The following TMEM120B variants were observed in gnomAD, a reference collection of about 807,000 sequenced individuals.
The protein encoded by TMEM120B is transmembrane protein 120B.
A neutral mutation model predicts 55.5 loss-of-function variants in TMEM120B; 31 were observed. The ratio of observed to expected loss-of-function variants is 0.56; its 90% CI spans 0.42 to 0.75. The LOEUF is 0.75. Ranked by LOEUF, TMEM120B falls within the 30% of genes least tolerant of loss-of-function variation. The probability of loss-of-function intolerance (pLI) is 0.00; values close to 1 mark genes in which losing one functional copy is unlikely to be tolerated. For synonymous variants in TMEM120B, 203 were observed against 176.3 expected (o/e 1.15, Z -1.20); for missense variants, 399 against 425.5 (o/e 0.94, Z 0.55).
At chr12:121,772,629 G>T (rs1874104107) in intron 8 of TMEM120B, among the ~76,000 whole-genome samples, 1 of 151,924 alleles carries the variant, frequency 6.6e-6, no homozygotes, top group Non-Finnish European at 1.5e-5. Flanking sequence ...TCACCAGTTG[G>T]CCAGGCTGGT....
intron 1 of TMEM120B, among the ~76,000 whole-genome samples, chr12:121,730,731 G>T (rs1208948854): frequency 6.6e-6 from 1 of 151,470 alleles, no homozygotes; most frequent in Non-Finnish European, 1.5e-5. Context: ...GCTGAGGCGG[G>T]TGGATCACCT....
Position 121,773,511 on chromosome 12 carries a change from T to A in TMEM120B, c.770T>A (p.Val257Glu). ...GAGAGGAACCACCTGGATCTCACAG[T>A]GGGTGAGTAGCTGGGCCTGGGTTGG... ...LGERNHLDLT[V>E]EGFQSWMWRG... Residue 257 changes from valine (V) to glutamate (E), a missense_variant and splice_region_variant, in exon 9 of 12, where the codon GTG becomes GAG. Transcript: ENST00000449592. The A allele has an allele frequency of 6.3e-7, 1 of 1,589,384 alleles. No individual in the cohort carries two copies. Among genetic ancestry groups the A allele is most frequent in the South Asian group, 1.1e-5 (1 of 88,946 alleles).
In TMEM120B at chr12:121,775,993, T is replaced by C. The variant is rs114623486; in HGVS notation, c.*271T>C. Reference sequence around the variant, plus strand: ...TTGAAGGTGGCTGAGGCCGGGCCAGTCTTCCTGGGGATGGGGCCTGAAGCC... The same window carrying C: ...TTGAAGGTGGCTGAGGCCGGGCCAGCCTTCCTGGGGATGGGGCCTGAAGCC... On this transcript the variant is annotated 3_prime_UTR_variant, in exon 12 of 12. Coordinates refer to ENST00000449592, the MANE Select transcript of TMEM120B (RefSeq NM_001080825.2). This position sits in a 1 kb window ranked among gnomAD's most constrained non-coding sequence, Gnocchi z 4.3. 3,958 of 592,882 alleles carry C rather than the reference T, an allele frequency of 6.7e-3. 149 individuals carry two copies. The highest frequency in any genetic ancestry group is 0.066 in the African/African-American group (3,526 of 53,774). 36.7% of individuals were successfully genotyped at this position (592,882 alleles called of 1,614,324 possible).
At chr12:121,740,127 T>C (rs575194814) in intron 1 of TMEM120B, among the ~76,000 whole-genome samples, 41 of 152,172 alleles carry the variant, frequency 2.7e-4, no homozygotes, top group Non-Finnish European at 4.3e-4. Flanking sequence ...GTCTCACTGA[T>C]AACAGATACA....
intron 1 of TMEM120B, among the ~76,000 whole-genome samples, chr12:121,714,557 CTTTTTTTTTT>C (rs897759057): frequency 1.0e-5 from 1 of 100,238 alleles, no homozygotes; most frequent in South Asian, 3.4e-4. Context: ...TCAGCCACTT[CTTTTTTTTTT>C]TTTTTTTTTT....
intron 6 of TMEM120B, 108 bp downstream of exon 6, chr12:121,761,846 T>C (rs1359391838): frequency 4.9e-6 from 4 of 824,568 alleles, no homozygotes; most frequent in Non-Finnish European, 8.2e-6. Context: ...CTCTCCTCCT[T>C]GGGGGTTGCT....
In TMEM120B at chr12:121,780,955, C is replaced by T. The variant is rs148962846; in HGVS notation, c.*5233C>T. On this transcript the variant is annotated 3_prime_UTR_variant, in exon 12 of 12. Coordinates refer to ENST00000449592, the MANE Select transcript of TMEM120B (RefSeq NM_001080825.2). ...TCCTTCCTCAGGTCTGTCTTGCAGC[C>T]GATGAGCACCATGGGGATCCCGCGG... 2.7e-5 allele frequency: 44 copies of T among 1,613,970 alleles called. No homozygotes were observed. The highest frequency in any genetic ancestry group is 1.2e-4 in the Admixed American group (7 of 59,994).
At chr12:121,724,277 C>T (rs764414175) in intron 1 of TMEM120B, among the ~76,000 whole-genome samples, 70 of 152,034 alleles carry the variant, frequency 4.6e-4, no homozygotes, top group Middle Eastern at 6.8e-3. Context: ...CTTCGTGATC[C>T]GCCCGCCTCA....
Position 121,779,788 on chromosome 12 carries a change from CTCCTCCA to C in TMEM120B, c.*4071_*4077del. ...GAGGCCTTGGTTTGGGCCTGTCTGTCTCCTCCATCCTGGCTGCCCCTCACAGTGTGTG... is the reference window on the plus strand; with the variant it reads ...GAGGCCTTGGTTTGGGCCTGTCTGTCTCCTGGCTGCCCCTCACAGTGTGTG... On this transcript the variant is annotated 3_prime_UTR_variant, in exon 12 of 12. Coordinates refer to ENST00000449592, the MANE Select transcript of TMEM120B (RefSeq NM_001080825.2). The C allele has an allele frequency of 3.1e-6, 3 of 962,306 alleles. No individual in the cohort carries two copies. The highest frequency in any genetic ancestry group is 2.9e-4 in the Middle Eastern group (1 of 3,432). 59.6% of individuals were successfully genotyped at this position (962,306 alleles called of 1,614,324 possible).
intron 4 of TMEM120B, among the ~76,000 whole-genome samples, chr12:121,751,808 C>T (rs900502599): frequency 6.6e-6 from 1 of 152,280 alleles, no homozygotes; most frequent in South Asian, 2.1e-4. Context: ...CATTTCCAGA[C>T]AGCCGCAAAC....
Position 121,743,578 on chromosome 12 carries a change from G to C in TMEM120B, c.70-51G>C, listed in dbSNP as rs778912626. 39 of 1,324,072 alleles carry C rather than the reference G, an allele frequency of 2.9e-5. No individual in the cohort carries two copies. In the Middle Eastern group the frequency reaches 1.0e-3, roughly 35 times the overall value. The allele number at this position is 1,324,072 out of a possible 1,614,324, so 82.0% of individuals were successfully genotyped here. A position where few individuals can be genotyped will look rare whatever the true frequency, so the allele number is the denominator to read the frequency against. On this transcript the variant is annotated intron_variant, in intron 1 of 11. Transcript: ENST00000449592. ...CTCAAAAAAAAAAAGAAAAGAAAAT[G>C]AGCTGTTCATATTCTCCCACACACC... is the stretch of plus-strand genomic sequence containing the variant.
intron 1 of TMEM120B, among the ~76,000 whole-genome samples, chr12:121,728,287 A>T (rs1592926537): frequency 6.6e-6 from 1 of 151,590 alleles, no homozygotes; most frequent in Admixed American, 6.6e-5. Context: ...CAGGAGATCG[A>T]GACCATCCTG....
intron 2 of TMEM120B, among the ~76,000 whole-genome samples, chr12:121,744,022 G>A (rs1461152046): frequency 6.6e-6 from 1 of 151,210 alleles, no homozygotes; most frequent in African/African-American, 2.4e-5. Flanking sequence ...CCTGCCGGCT[G>A]TGCCACCCTG....
intron 1 of TMEM120B, 143 bp downstream of exon 1, chr12:121,713,107 G>A (rs1894630477): frequency 1.7e-6 from 1 of 595,140 alleles, no homozygotes; most frequent in Non-Finnish European, 2.8e-6. Context: ...CGGGAGGCAT[G>A]GACCAGCCCC....
At position 121,716,551 on chromosome 12, in the gene TMEM120B, CT is replaced by C. The variant is rs1033001121; in HGVS notation, c.69+3596del. Among the ~76,000 whole-genome samples, 21 of 127,942 alleles carry C rather than the reference CT, an allele frequency of 1.6e-4. No homozygotes were observed. The East Asian group carries it at 2.3e-3, about 14-fold the overall frequency. The allele number at this position is 127,942 out of a possible 152,430, so 83.9% of individuals were successfully genotyped here. A position where few individuals can be genotyped will look rare whatever the true frequency, so the allele number is the denominator to read the frequency against. Reference sequence around the variant, plus strand: ...GTCTCTGTGTCTTACCTCTTTTTCTCTTTTTTTTTCTTTCTTTTTTTTTTTT... The same window carrying C: ...GTCTCTGTGTCTTACCTCTTTTTCTCTTTTTTTTCTTTCTTTTTTTTTTTT... On this transcript the variant is annotated intron_variant, in intron 1 of 11. Transcript: ENST00000449592.
At chr12:121,720,747 T>A (rs1178563957) in intron 1 of TMEM120B, among the ~76,000 whole-genome samples, 1 of 152,098 alleles carries the variant, frequency 6.6e-6, no homozygotes, top group Non-Finnish European at 1.5e-5. Context: ...CTTGAAAGTT[T>A]ACCACCAGCA....
At chr12:121,748,872 G>A (rs1050641634) in intron 3 of TMEM120B, among the ~76,000 whole-genome samples, 5 of 152,198 alleles carry the variant, frequency 3.3e-5, no homozygotes, top group African/African-American at 9.7e-5. Context: ...ATCAGCGAAT[G>A]TTTGGCCACA....
chr12:121,761,654 C>T lies in TMEM120B; in HGVS notation c.467C>T (p.Thr156Ile). The T allele has an allele frequency of 6.2e-7, 1 of 1,613,716 alleles. No homozygotes were observed. The highest frequency in any genetic ancestry group is 8.5e-7 in the Non-Finnish European group (1 of 1,179,742). ...ACRFVLHYRV[T>I]DEVFNFLLVW... ...GGGGCTGTTTCCTTGCACAGGGTGA[C>T]TGACGAAGTCTTCAACTTCCTGCTG... The change falls in exon 6 of 12, where the codon ACT (threonine) becomes ATT (isoleucine). Residue 156 changes from threonine (T) to isoleucine (I), a missense_variant. By Grantham distance (89) the Thr-to-Ile change is moderately conservative. Transcript: ENST00000449592.
rs757613466 is a variant in TMEM120B at position 121,743,641 on chromosome 12, A to T, written c.82A>T (p.Ile28Phe). 2 of 1,613,480 alleles carry T rather than the reference A, an allele frequency of 1.2e-6. No homozygotes were observed. The stretch of plus-strand genomic sequence containing the variant: ...CCCTGTTCTTCAGGAGACGCACAGG[A>T]TCTACAAGCAGAAGCTGGAGGAGCT... The part of the protein sequence containing the change: ...EFQELQETHR[I>F]YKQKLEELAA... Residue 28 changes from isoleucine to phenylalanine, a missense_variant, in exon 2 of 12, where the codon ATC becomes TTC. This residue lies in a region of TMEM120B where 133 missense variants were observed against 104.1 expected (regional missense o/e 1.28). Coordinates refer to ENST00000449592, the MANE Select transcript of TMEM120B (RefSeq NM_001080825.2).
Sources: gnomAD v4.1 joint callset for allele counts (sites outside exome capture counted in the v4.1 genomes callset) on GRCh38, gnomAD v4.1.1 for gene constraint, gnomAD v4.1.1 regional missense constraint, Gnocchi (gnomAD v3.1) non-coding constraint, MANE v1.5 for transcripts, NCBI Gene and HGNC (gene_info 2026-07-23, HGNC 2026-07-21) for gene names.